Variants in PIK3R4 observed in about 807,000 individuals in gnomAD.
The protein encoded by PIK3R4 is phosphoinositide-3-kinase regulatory subunit 4, also known as phosphoinositide 3-kinase regulatory subunit 4.
PIK3R4 carries 46 observed loss-of-function variants against 136.5 expected under a neutral mutation model. The observed-to-expected ratio is 0.34, with a 90% CI of 0.27 to 0.43. The LOEUF (loss-of-function observed/expected upper bound fraction) is 0.43. Among genes scored for constraint, PIK3R4 ranks in the 20% least tolerant of loss-of-function variants. The probability of loss-of-function intolerance (pLI) is 1.00; values close to 1 mark genes in which losing one functional copy is unlikely to be tolerated. For synonymous variants in PIK3R4, 557 were observed against 566.7 expected (o/e 0.98, Z 0.24); for missense variants, 1,331 against 1,649.5 (o/e 0.81, Z 3.35).
At chr3:130,712,899 G>A (rs1424021906) in intron 9 of PIK3R4, among the ~76,000 whole-genome samples, 1 of 152,134 alleles carries the variant, frequency 6.6e-6, no homozygotes, top group Non-Finnish European at 1.5e-5. Context: ...TCTGTCCTCT[G>A]TTTATTTTAC....
chr3:130,684,137 C>T, intron 16 of PIK3R4, 113 bp downstream of exon 16: 1 of 906,344 alleles, frequency 1.1e-6, no homozygotes, highest in Non-Finnish European at 1.7e-6. Context: ...AGAAGACAAT[C>T]AAGCATTCAG....
At chr3:130,727,103 T>C (rs1191955416) in intron 6 of PIK3R4, among the ~76,000 whole-genome samples, 1 of 152,248 alleles carries the variant, frequency 6.6e-6, no homozygotes, top group African/African-American at 2.4e-5. Context: ...CCAAAACATA[T>C]GATAGCATTT....
intron 16 of PIK3R4, among the ~76,000 whole-genome samples, chr3:130,682,167 G>A (rs1429111441): frequency 6.6e-6 from 1 of 152,172 alleles, no homozygotes; most frequent in Admixed American, 6.5e-5. Context: ...TTGCAGATGT[G>A]ATGAAATTAA....
chr3:130,721,440 C>G (rs1404516490), intron 7 of PIK3R4, among the ~76,000 whole-genome samples: 11 of 152,140 alleles, frequency 7.2e-5, no homozygotes, highest in African/African-American at 2.7e-4. Flanking sequence ...GAAGGGATAT[C>G]TGCAATCCCA....
Position 130,733,858 on chromosome 3 carries a change from A to T in PIK3R4, c.1140T>A (p.Ser380=). ...GGGTCTGTAGGCAGGATGTTATAAC[A>T]GATACCAAGATAACCAGCCCATTTT... The part of the protein sequence containing the change: ...PKENGLVILV[S]VITSCLQTLK... The change falls in exon 4 of 20, where the codon TCT becomes TCA. Residue 380 remains serine (S), a synonymous_variant. Transcript: ENST00000356763. 6.2e-7 allele frequency: 1 copy of T among 1,614,206 alleles called. No individual in the cohort carries two copies. Among genetic ancestry groups the T allele is most frequent in the Non-Finnish European group, 8.5e-7 (1 of 1,180,008 alleles).
In PIK3R4 at chr3:130,705,580, C is replaced by T. The variant is rs780114904; in HGVS notation, c.2913G>A (p.Glu971=). ...TTTTACCAGGTGGTGGTGGTTTACTCTCCCATTCAGCATTTTCCATCATCT... is the reference window on the plus strand; with the variant it reads ...TTTTACCAGGTGGTGGTGGTTTACTTTCCCATTCAGCATTTTCCATCATCT... ...AKQMMENAEW[E]SKPPPPGWRP... Residue 971 remains glutamate (E), a synonymous_variant, in exon 12 of 20, where the codon GAG becomes GAA. Transcript: ENST00000356763. The T allele has an allele frequency of 6.2e-7, 1 of 1,612,462 alleles. No individual in the cohort carries two copies. Among genetic ancestry groups the T allele is most frequent in the East Asian group, 2.2e-5 (1 of 44,856 alleles).
At chr3:130,696,971 T>C (rs1430720038) in intron 13 of PIK3R4, among the ~76,000 whole-genome samples, 1 of 152,098 alleles carries the variant, frequency 6.6e-6, no homozygotes, top group Non-Finnish European at 1.5e-5. Context: ...CCTGATGAAC[T>C]GATCCTTTTA....
At position 130,686,138 on chromosome 3, in the gene PIK3R4, T is replaced by C. The variant is rs578158133; in HGVS notation, c.3475+73A>G. 9.4e-5 allele frequency: 82 copies of C among 870,316 alleles called. 2 individuals are homozygous for C. The African/African-American group carries it at 1.2e-3, about 13-fold the overall frequency. 53.9% of individuals were successfully genotyped at this position (870,316 alleles called of 1,614,324 possible). A position where few individuals can be genotyped will look rare whatever the true frequency, so the allele number is the denominator to read the frequency against. ...TACCAATGAACAAAGAGGAAAAAACTGATTTCACAAGACAGCAATTGCAGG... is the reference window on the plus strand; with the variant it reads ...TACCAATGAACAAAGAGGAAAAAACCGATTTCACAAGACAGCAATTGCAGG... On this transcript the variant is annotated intron_variant, in intron 15 of 19. Transcript: ENST00000356763.
At chr3:130,685,775 T>G (rs1238615926) in intron 15 of PIK3R4, among the ~76,000 whole-genome samples, 1 of 152,156 alleles carries the variant, frequency 6.6e-6, no homozygotes, top group Non-Finnish European at 1.5e-5. Context: ...AAGCTGCCCT[T>G]GAAAGGATTA....
chr3:130,681,387 A>T, intron 17 of PIK3R4, 104 bp downstream of exon 17: 1 of 784,326 alleles, frequency 1.3e-6, no homozygotes, highest in Non-Finnish European at 2.2e-6. Context: ...CCAAATTTAA[A>T]CATAACCCAA....
chr3:130,735,919 A>G lies in PIK3R4; in HGVS notation c.817T>C (p.Phe273Leu), dbSNP rs758799507. The change falls in exon 3 of 20, where the codon TTC (phenylalanine) becomes CTC (leucine). Residue 273 changes from phenylalanine (F) to leucine (L), a missense_variant. Phe to Leu is a conservative substitution (Grantham distance 22). Transcript: ENST00000356763. ...ATTTTATTTAGCACTTGTTCAGGGA[A>G]AAAATGTCCATTTCTATAAGCCAAA... Reference protein sequence around the residue: ...QLLAYRNGHFFPEQVLNKIED... With the variant: ...QLLAYRNGHFLPEQVLNKIED... 5 of 1,612,828 alleles carry G rather than the reference A, an allele frequency of 3.1e-6. No homozygotes were observed. In the Admixed American group the frequency reaches 6.7e-5, roughly 22 times the overall value.
At chr3:130,724,096 C>T (rs986383824) in intron 6 of PIK3R4, among the ~76,000 whole-genome samples, 2 of 151,912 alleles carry the variant, frequency 1.3e-5, no homozygotes, top group African/African-American at 4.8e-5. Flanking sequence ...AATCAGTCAG[C>T]CCAGATTAGA....
Position 130,733,438 on chromosome 3 carries a change from G to A in PIK3R4, c.1450+110C>T, listed in dbSNP as rs957078058. ...TCAAAATGTACACAAATAGTTCAAA[G>A]AGCAAAGTTCATACTTGCAATTCTC... On this transcript the variant is annotated intron_variant, in intron 4 of 19. Coordinates refer to ENST00000356763, the MANE Select transcript of PIK3R4 (RefSeq NM_014602.3). 1.5e-5 allele frequency: 10 copies of A among 687,708 alleles called. No homozygotes were observed. In the African/African-American group the frequency reaches 1.6e-4, roughly 11 times the overall value. 42.6% of individuals were successfully genotyped at this position (687,708 alleles called of 1,614,324 possible). A position where few individuals can be genotyped will look rare whatever the true frequency, so the allele number is the denominator to read the frequency against.
rs200639128 is a variant in PIK3R4, at chr3:130,708,266, C to T, written c.2533+25G>A. ...TGAAATAACTAACAACAACAAGCTA[C>T]ACACACACAAACAAGCATACTAACC... On this transcript the variant is annotated intron_variant, in intron 10 of 19. Transcript: ENST00000356763. 27 of 1,555,340 alleles carry T rather than the reference C, an allele frequency of 1.7e-5. No individual in the cohort carries two copies. The East Asian group carries it at 5.8e-4, about 34-fold the overall frequency.
intron 10 of PIK3R4, among the ~76,000 whole-genome samples, chr3:130,707,719 A>C (rs1214081128): frequency 2.0e-5 from 3 of 152,206 alleles, no homozygotes. Flanking sequence ...TGTAACTGGC[A>C]GTGAATATAT....
chr3:130,705,910 T>TAA (rs1167452443), intron 11 of PIK3R4, 139 bp from the exon 12 acceptor site: 36 of 518,980 alleles, frequency 6.9e-5, no homozygotes, highest in South Asian at 2.6e-4. Flanking sequence ...TCGATATAAT[T>TAA]ACAATTACAT....
chr3:130,689,761 A>C (rs2066506704), intron 14 of PIK3R4, among the ~76,000 whole-genome samples: 1 of 152,194 alleles, frequency 6.6e-6, no homozygotes, highest in Non-Finnish European at 1.5e-5. Flanking sequence ...TATCCATGTA[A>C]AAATTACCAC....
chr3:130,679,588 G>T, intron 19 of PIK3R4, 103 bp from the exon 20 acceptor site: 2 of 753,534 alleles, frequency 2.7e-6, no homozygotes, highest in African/African-American at 3.5e-5. Context: ...TTGTATTTAA[G>T]TTAACACCTT....
chr3:130,699,269 T>C (rs1001020198), intron 13 of PIK3R4, among the ~76,000 whole-genome samples: 1 of 152,200 alleles, frequency 6.6e-6, no homozygotes, highest in South Asian at 2.1e-4. Context: ...ACAAGTGCCC[T>C]GTGAGTAAGA....
Sources: allele counts gnomAD v4.1 joint callset (sites outside exome capture counted in the v4.1 genomes callset), GRCh38; gene constraint gnomAD v4.1.1; transcripts MANE v1.5; gene names NCBI Gene and HGNC (gene_info 2026-07-23, HGNC 2026-07-21).